The following SPRED1 variants were observed in gnomAD, a reference collection of about 807,000 sequenced individuals.
The protein encoded by SPRED1 is sprouty related EVH1 domain containing 1, also known as sprouty-related, EVH1 domain-containing protein 1.
Under a neutral mutation model 52.3 loss-of-function variants are expected in SPRED1, and 18 were observed. The observed-to-expected ratio is 0.34, with a 90% CI of 0.24 to 0.51. SPRED1 has a LOEUF of 0.51. SPRED1 is among the 20% of genes least tolerant of loss of function. The pLI is 0.97. For synonymous variants in SPRED1, 155 were observed against 179.7 expected, an observed-to-expected ratio of 0.86 and a Z score of 1.10; for missense variants, 485 against 551.0, an observed-to-expected ratio of 0.88 and a Z score of 1.20.
At chr15:38,282,744 C>T (rs1305125630) in intron 1 of SPRED1, among the ~76,000 whole-genome samples, 2 of 152,092 alleles carry the variant, frequency 1.3e-5, no homozygotes, top group Non-Finnish European at 2.9e-5. Context: ...TTCAGTTTAA[C>T]TTTGCAGATG....
At chr15:38,335,027 A>C (rs1037674440) in intron 4 of SPRED1, among the ~76,000 whole-genome samples, 2 of 152,092 alleles carry the variant, frequency 1.3e-5, no homozygotes, top group African/African-American at 4.8e-5. Flanking sequence ...AGTATATAAA[A>C]ATGGCATTAT....
At chr15:38,257,761 A>G (rs1339648427) in intron 1 of SPRED1, among the ~76,000 whole-genome samples, 1 of 152,206 alleles carries the variant, frequency 6.6e-6, no homozygotes. Context: ...CCATGGTTCC[A>G]CATTAGTGCC....
At chr15:38,307,669 G>A (rs1234124054) in intron 2 of SPRED1, among the ~76,000 whole-genome samples, 2 of 152,120 alleles carry the variant, frequency 1.3e-5, no homozygotes, top group Non-Finnish European at 2.9e-5. Context: ...CTGTTTGTCT[G>A]TTGATTGTTA....
At chr15:38,255,255 T>A (rs1363554603) in intron 1 of SPRED1, among the ~76,000 whole-genome samples, 1 of 152,198 alleles carries the variant, frequency 6.6e-6, no homozygotes, top group East Asian at 1.9e-4. Context: ...GATGGCAATC[T>A]TCAGTGAGAG....
At chr15:38,301,879 T>G (rs1178945236) in intron 2 of SPRED1, among the ~76,000 whole-genome samples, 1 of 152,142 alleles carries the variant, frequency 6.6e-6, no homozygotes, top group Non-Finnish European at 1.5e-5. Context: ...TCTTGATTTT[T>G]TTTTTTAAAG....
intron 2 of SPRED1, among the ~76,000 whole-genome samples, chr15:38,302,798 C>A (rs1895173008): frequency 6.6e-6 from 1 of 152,052 alleles, no homozygotes; most frequent in Admixed American, 6.6e-5. Flanking sequence ...GGTGTTGTAG[C>A]CTAAGAAAAT....
At chr15:38,308,207 A>C (rs912771723) in intron 2 of SPRED1, among the ~76,000 whole-genome samples, 1 of 152,164 alleles carries the variant, frequency 6.6e-6, no homozygotes, top group Non-Finnish European at 1.5e-5. Context: ...ATTTTTGTTG[A>C]GATAATTGTA....
At chr15:38,284,532 A>T (rs1894763448) in intron 1 of SPRED1, among the ~76,000 whole-genome samples, 1 of 152,100 alleles carries the variant, frequency 6.6e-6, no homozygotes, top group Non-Finnish European at 1.5e-5. Context: ...GAGATTTTAC[A>T]TTTTTATGCA....
chr15:38,316,056 G>A (rs560918909), intron 2 of SPRED1, among the ~76,000 whole-genome samples: 1 of 151,996 alleles, frequency 6.6e-6, no homozygotes, highest in South Asian at 2.1e-4. Context: ...CTTCTTCCTT[G>A]GGAAGTGAAT....
rs371617933 is a variant in SPRED1 at position 38,284,647 on chromosome 15, AT to A, written c.33-14722del. On this transcript the variant is annotated intron_variant, in intron 1 of 6. Coordinates refer to ENST00000299084, the MANE Select transcript of SPRED1 (RefSeq NM_152594.3). The stretch of plus-strand genomic sequence containing the variant: ...ATTTCTTTTAATAATTACAGTCTTA[AT>A]TTTAGTGTAATGTAGAGATTCAAGT... 1.7e-4 allele frequency among the ~76,000 whole-genome samples: 26 copies of A among 152,244 alleles called. No homozygotes were observed. In the East Asian group the frequency reaches 3.7e-3, roughly 21 times the overall value.
intron 2 of SPRED1, among the ~76,000 whole-genome samples, chr15:38,300,825 T>C (rs1409561679): frequency 6.6e-6 from 1 of 152,178 alleles, no homozygotes; most frequent in Non-Finnish European, 1.5e-5. Flanking sequence ...ATCTGCCATA[T>C]ACTAATGCTT....
rs185308789 is a variant in SPRED1 at position 38,284,553 on chromosome 15, G to C, written c.33-14820G>C. ...TTACATTTTTATGCAGTTGAATATA[G>C]CAGTCTTCTGTTATAATTTCTGACT... On this transcript the variant is annotated intron_variant, in intron 1 of 6. Coordinates refer to ENST00000299084, the MANE Select transcript of SPRED1 (RefSeq NM_152594.3). Among the ~76,000 whole-genome samples, 25 of 152,084 alleles carry C rather than the reference G, an allele frequency of 1.6e-4. No individual in the cohort carries two copies. The East Asian group carries it at 4.8e-3, about 29-fold the overall frequency.
intron 2 of SPRED1, among the ~76,000 whole-genome samples, chr15:38,309,761 A>G (rs1895323722): frequency 6.6e-6 from 1 of 152,142 alleles, no homozygotes; most frequent in Admixed American, 6.5e-5. Context: ...GTCCATTTTA[A>G]GTTAACTTTT....
At chr15:38,290,425 C>T (rs1894898300) in intron 1 of SPRED1, among the ~76,000 whole-genome samples, 1 of 152,160 alleles carries the variant, frequency 6.6e-6, no homozygotes, top group Non-Finnish European at 1.5e-5. Context: ...AACCTCTATT[C>T]ATCTCTCATA....
intron 5 of SPRED1, 22 bp downstream of exon 5, chr15:38,339,917 T>C (rs1477591694): frequency 1.9e-6 from 3 of 1,613,538 alleles, no homozygotes; most frequent in East Asian, 4.5e-5. Context: ...AAATATTTTT[T>C]CGGCGCGTTG....
intron 5 of SPRED1, among the ~76,000 whole-genome samples, chr15:38,341,593 C>G (rs1314903178): frequency 6.6e-6 from 1 of 152,070 alleles, no homozygotes; most frequent in East Asian, 1.9e-4. Flanking sequence ...GCTTCCAACA[C>G]CTATCATTGG....
Position 38,353,900 on chromosome 15 carries a change from A to G in SPRED1, c.*2236A>G, listed in dbSNP as rs1217545835. On this transcript the variant is annotated 3_prime_UTR_variant, in exon 7 of 7. Coordinates refer to ENST00000299084, the MANE Select transcript of SPRED1 (RefSeq NM_152594.3). ...AACTCCTGGTTCTGTACTGTATTTT[A>G]TATGCAACATATATGCTTTAATATT... The G allele has an allele frequency of 6.6e-6, 1 of 152,622 alleles. No individual in the cohort carries two copies. Among genetic ancestry groups the G allele is most frequent in the Non-Finnish European group, 1.5e-5 (1 of 68,004 alleles). The allele number at this position is 152,622 out of a possible 1,614,324, so 9.5% of individuals were successfully genotyped here.
intron 1 of SPRED1, among the ~76,000 whole-genome samples, chr15:38,264,812 T>A (rs572794142): frequency 6.6e-6 from 1 of 152,074 alleles, no homozygotes. Context: ...AGGGTTTAGC[T>A]GGGAAGATTT....
intron 1 of SPRED1, among the ~76,000 whole-genome samples, chr15:38,263,811 T>A (rs1894250461): frequency 6.6e-6 from 1 of 151,722 alleles, no homozygotes; most frequent in Non-Finnish European, 1.5e-5. Context: ...GCGGATGCGC[T>A]AAAAAAAACG....
Sources: gnomAD v4.1 joint callset for allele counts (sites outside exome capture counted in the v4.1 genomes callset) on GRCh38, gnomAD v4.1.1 for gene constraint, MANE v1.5 for transcripts, NCBI Gene and HGNC (gene_info 2026-07-23, HGNC 2026-07-21) for gene names.